RFTN1: variants seen among roughly 807,000 people sequenced by gnomAD.
RFTN1 encodes raftlin, lipid raft linker 1, also known as raftlin.
Under a neutral mutation model 46.5 loss-of-function variants are expected in RFTN1, and 26 were observed. The ratio of observed to expected loss-of-function variants is 0.56; its 90% CI spans 0.41 to 0.78. RFTN1 has a LOEUF of 0.78. RFTN1 is among the 30% of genes least tolerant of loss of function. RFTN1 has a pLI of 0.00. For missense variants in RFTN1, 693 were observed against 718.7 expected (o/e 0.96, Z 0.41); for synonymous variants, 261 against 284.2 (o/e 0.92, Z 0.82).
chr3:16,355,447 T>C (rs964506774), intron 7 of RFTN1, among the ~76,000 whole-genome samples: 1 of 152,226 alleles, frequency 6.6e-6, no homozygotes, highest in Non-Finnish European at 1.5e-5. Context: ...TCCTCATAGA[T>C]GGTGCCATGT....
rs192580484 is a variant in RFTN1, at chr3:16,447,038, C to G, written c.146-13001G>C. ...TCTGGGGGCTTGGCACAACTTCTATCCACAAAAGAAGACCACTCATTTGTT... is the reference window on the plus strand; with the variant it reads ...TCTGGGGGCTTGGCACAACTTCTATGCACAAAAGAAGACCACTCATTTGTT... On this transcript the variant is annotated intron_variant, in intron 2 of 9. Coordinates refer to ENST00000334133, the MANE Select transcript of RFTN1 (RefSeq NM_015150.2). This position sits in a 1 kb window ranked among gnomAD's most constrained non-coding sequence, Gnocchi z 5.9. Among the ~76,000 whole-genome samples, 7 of 152,296 alleles carry G rather than the reference C, an allele frequency of 4.6e-5. No homozygotes were observed. The highest frequency in any genetic ancestry group is 2.6e-4 in the Admixed American group (4 of 15,292).
chr3:16,331,081 T>G (rs1210949455), intron 7 of RFTN1, among the ~76,000 whole-genome samples: 3 of 152,236 alleles, frequency 2.0e-5, no homozygotes, highest in Non-Finnish European at 4.4e-5. Flanking sequence ...AGACCACTTC[T>G]GGGGTGTTCT....
chr3:16,487,655 G>A (rs546547388), intron 2 of RFTN1, among the ~76,000 whole-genome samples: 13 of 152,256 alleles, frequency 8.5e-5, no homozygotes, highest in South Asian at 6.2e-4. Flanking sequence ...CCTGGGCACC[G>A]GCCTCATTAC....
In RFTN1 at chr3:16,460,513, A is replaced by G. The variant is rs1247187188; in HGVS notation, c.146-26476T>C. Among the ~76,000 whole-genome samples the G allele has an allele frequency of 6.6e-6, 1 of 152,168 alleles. No homozygotes were observed. The highest frequency in any genetic ancestry group is 2.4e-5 in the African/African-American group (1 of 41,430). ...CAAGCAAAGTGAAGTGGGAAATAAA[A>G]TAGTTGGATCAATGACGTCAACAAC... On this transcript the variant is annotated intron_variant, in intron 2 of 9. Coordinates refer to ENST00000334133, the MANE Select transcript of RFTN1 (RefSeq NM_015150.2). The surrounding 1 kb of genome is among the most constrained non-coding windows in gnomAD (Gnocchi z 4.8).
At chr3:16,490,542 T>C (rs988201318) in intron 2 of RFTN1, among the ~76,000 whole-genome samples, 1 of 152,186 alleles carries the variant, frequency 6.6e-6, no homozygotes, top group Admixed American at 6.5e-5. Flanking sequence ...GGGAACCCCC[T>C]AAAGAGTTGT....
At chr3:16,472,722 TGGAGGAGGG>T (rs2076219402) in intron 2 of RFTN1, 1 of 152,234 alleles carries the variant, frequency 6.6e-6, no homozygotes, top group South Asian at 2.1e-4. Flanking sequence ...CTGTTCGAAA[TGGAGGAGGG>T]CTTTGTCCCA....
chr3:16,359,048 A>AAG (rs1553730230), intron 6 of RFTN1, among the ~76,000 whole-genome samples: 4 of 148,420 alleles, frequency 2.7e-5, no homozygotes, highest in South Asian at 2.1e-4. Flanking sequence ...AAAAAAAAAA[A>AAG]AAAAGAAATA....
chr3:16,434,078 A>G (rs2075449159), intron 2 of RFTN1, 41 bp from the exon 3 acceptor site: 1 of 1,503,542 alleles, frequency 6.7e-7, no homozygotes. Context: ...GACCCATCAC[A>G]ACGCCCACTC....
Position 16,356,455 on chromosome 3 carries a change from C to G in RFTN1, c.1146+1477G>C, listed in dbSNP as rs1359250706. Among the ~76,000 whole-genome samples, 1 of 152,054 alleles carries G rather than the reference C, an allele frequency of 6.6e-6. No individual in the cohort carries two copies. Among genetic ancestry groups the G allele is most frequent in the Non-Finnish European group, 1.5e-5 (1 of 68,000 alleles). On this transcript the variant is annotated intron_variant, in intron 7 of 9. Coordinates refer to ENST00000334133, the MANE Select transcript of RFTN1 (RefSeq NM_015150.2). The surrounding 1 kb of genome is among the most constrained non-coding windows in gnomAD (Gnocchi z 4.9). ...GGGTACTCCATTGCTATCACACTTG[C>G]AAGCAGTTATTTCTCATCCCTGTTC... is the stretch of plus-strand genomic sequence containing the variant.
chr3:16,394,093 A>C (rs2074414935), intron 4 of RFTN1, among the ~76,000 whole-genome samples: 1 of 152,208 alleles, frequency 6.6e-6, no homozygotes. Flanking sequence ...AGGGCTGGGC[A>C]TCATGGCTTA....
intron 4 of RFTN1, among the ~76,000 whole-genome samples, chr3:16,389,567 TC>T (rs2074298809): frequency 1.3e-5 from 2 of 152,230 alleles, no homozygotes; most frequent in African/African-American, 4.8e-5. Context: ...ATCTTCAATG[TC>T]CAATAACCCT....
chr3:16,371,946 C>T (rs747502961), intron 5 of RFTN1, among the ~76,000 whole-genome samples: 13 of 152,116 alleles, frequency 8.5e-5, no homozygotes, highest in South Asian at 6.2e-4. Context: ...GGAGGGAATC[C>T]GGCCATAAAT....
At position 16,317,333 on chromosome 3, in the gene RFTN1, G is replaced by A; in HGVS notation, c.1333-101C>T. ...TCATACCCACACCATGTCTGAGTGA[G>A]ACATACAATTCCCAGCATCCCCCAG... On this transcript the variant is annotated intron_variant, in intron 9 of 9. Coordinates refer to ENST00000334133, the MANE Select transcript of RFTN1 (RefSeq NM_015150.2). The surrounding 1 kb of genome is among the most constrained non-coding windows in gnomAD (Gnocchi z 4.3). The A allele has an allele frequency of 7.9e-7, 1 of 1,263,042 alleles. No homozygotes were observed. 78.2% of individuals were successfully genotyped at this position (1,263,042 alleles called of 1,614,324 possible).
At chr3:16,434,312 C>T (rs1446025971) in intron 2 of RFTN1, among the ~76,000 whole-genome samples, 1 of 151,830 alleles carries the variant, frequency 6.6e-6, no homozygotes, top group African/African-American at 2.4e-5. Context: ...TCGCTTGAGC[C>T]GAGAAGTTTG....
At position 16,489,944 on chromosome 3, in the gene RFTN1, G is replaced by C. The variant is rs1337987689; in HGVS notation, c.145+3781C>G. ...AAATAAAGAAAGAAAAATGAGGTGAGGACGTAATGTCCTATCACAGGACTG... is the reference window on the plus strand; with the variant it reads ...AAATAAAGAAAGAAAAATGAGGTGACGACGTAATGTCCTATCACAGGACTG... On this transcript the variant is annotated intron_variant, in intron 2 of 9. Transcript: ENST00000334133. The surrounding 1 kb of genome is among the most constrained non-coding windows in gnomAD (Gnocchi z 4.0). 6.6e-6 allele frequency among the ~76,000 whole-genome samples: 1 copy of C among 152,016 alleles called. No individual in the cohort carries two copies. The highest frequency in any genetic ancestry group is 2.4e-5 in the African/African-American group (1 of 41,388).
rs944197654 is a variant in RFTN1 at position 16,374,840 on chromosome 3, G to A, written c.826+2878C>T. ...GGAAATAAGTCAGCGAGCAGGAAGA[G>A]GAACCCACGGCGGGCCTCCCCAAGA... is the stretch of plus-strand genomic sequence containing the variant. On this transcript the variant is annotated intron_variant, in intron 5 of 9. Coordinates refer to ENST00000334133, the MANE Select transcript of RFTN1 (RefSeq NM_015150.2). This position sits in a 1 kb window ranked among gnomAD's most constrained non-coding sequence, Gnocchi z 5.4. 2.0e-5 allele frequency among the ~76,000 whole-genome samples: 3 copies of A among 152,164 alleles called. No individual in the cohort carries two copies. Among genetic ancestry groups the A allele is most frequent in the African/African-American group, 7.2e-5 (3 of 41,448 alleles).
chr3:16,434,393 C>CAAACA (rs1553595785), intron 2 of RFTN1, among the ~76,000 whole-genome samples: 1,360 of 113,382 alleles, frequency 0.012, 18 homozygotes, highest in East Asian at 0.07. Context: ...AACAAACAAA[C>CAAACA]AAAAACAAAA....
At chr3:16,477,831 C>T (rs1054084427) in intron 2 of RFTN1, among the ~76,000 whole-genome samples, 1 of 152,252 alleles carries the variant, frequency 6.6e-6, no homozygotes, top group Non-Finnish European at 1.5e-5. Flanking sequence ...TAGCCACTTA[C>T]AACCAGGCTG....
chr3:16,475,143 T>C lies in RFTN1; in HGVS notation c.145+18582A>G, dbSNP rs2076260367. ...CTCTCTCACCATGTGACACACCAGC[T>C]CCCCTTCCACTTGCACAATGTTTGG... On this transcript the variant is annotated intron_variant, in intron 2 of 9. Coordinates refer to ENST00000334133, the MANE Select transcript of RFTN1 (RefSeq NM_015150.2). The surrounding 1 kb of genome is among the most constrained non-coding windows in gnomAD (Gnocchi z 4.2). 6.6e-6 allele frequency among the ~76,000 whole-genome samples: 1 copy of C among 152,124 alleles called. No homozygotes were observed. Among genetic ancestry groups the C allele is most frequent in the Admixed American group, 6.5e-5 (1 of 15,272 alleles).
Sources: gnomAD v4.1 joint callset for allele counts (sites outside exome capture counted in the v4.1 genomes callset) on GRCh38, gnomAD v4.1.1 for gene constraint, Gnocchi (gnomAD v3.1) non-coding constraint, MANE v1.5 for transcripts, NCBI Gene and HGNC (gene_info 2026-07-23, HGNC 2026-07-21) for gene names.